Variants in VCAN observed in about 807,000 individuals in gnomAD.
VCAN encodes versican core protein.
VCAN carries 44 observed loss-of-function variants against 245.5 expected under a neutral mutation model. The observed-to-expected ratio is 0.18, with a 90% CI of 0.14 to 0.23. The LOEUF (loss-of-function observed/expected upper bound fraction) is 0.23. VCAN is among the 10% of genes least tolerant of loss of function. The pLI, the probability that VCAN is intolerant of heterozygous loss-of-function variation, is 1.00. For missense variants in VCAN, 3,793 were observed against 4,057.9 expected (o/e 0.93, Z 1.77); for synonymous variants, 1,413 against 1,437.0 (o/e 0.98, Z 0.38).
At chr5:83,536,771 G>T in intron 7 of VCAN, 1 of 371,146 alleles carries the variant, frequency 2.7e-6, no homozygotes, top group Non-Finnish European at 4.8e-6. Flanking sequence ...TAAATGTGTT[G>T]ATGAGTCTTT....
At chr5:83,524,536 GTACCTACCTACCTACCTACCTACC>G (rs58462835) in intron 7 of VCAN, among the ~76,000 whole-genome samples, 13 of 147,272 alleles carry the variant, frequency 8.8e-5, no homozygotes, top group African/African-American at 1.5e-4. Context: ...ACCTACCTGC[GTACCTACCTACCTACCTACCTACC>G]TACCTACCTA....
chr5:83,545,995 T>C (rs556208156), intron 9 of VCAN, among the ~76,000 whole-genome samples: 1 of 152,300 alleles, frequency 6.6e-6, no homozygotes, highest in Non-Finnish European at 1.5e-5. Flanking sequence ...TATAAAAATC[T>C]TTTTAGAAAG....
rs773267741 is a variant in VCAN, at chr5:83,537,558, G to A, written c.4555G>A (p.Ala1519Thr). The A allele has an allele frequency of 6.2e-7, 1 of 1,613,832 alleles. No homozygotes were observed. Residue 1519 changes from alanine (A) to threonine (T), a missense_variant, in exon 8 of 15, where the codon GCA becomes ACA. Around this residue, in one of 5 missense-constraint regions of VCAN, gnomAD observed 3,182 missense variants for 3,250.3 expected, o/e 0.98. Transcript: ENST00000265077. ...TGAAAGTGGAACAGCCAAAAAAGGG[G>A]CAGAATCAGTCACAGAGAGAGATAC... ...EFESGTAKKG[A>T]ESVTERDTEV... is the part of the protein sequence containing the mutation.
chr5:83,516,015 G>A lies in VCAN; in HGVS notation c.1043-3334G>A, dbSNP rs781328975. On this transcript the variant is annotated intron_variant, in intron 6 of 14. Transcript: ENST00000265077. The stretch of plus-strand genomic sequence containing the variant: ...TGGGAGGCCAAGGTGGGCGGATCAT[G>A]AGGTCAGGAGATCGAGACCATCCTG... 4.6e-5 allele frequency among the ~76,000 whole-genome samples: 7 copies of A among 152,182 alleles called. No homozygotes were observed. The East Asian group carries it at 9.6e-4, about 21-fold the overall frequency.
intron 12 of VCAN, among the ~76,000 whole-genome samples, chr5:83,569,393 A>G (rs913888239): frequency 2.0e-5 from 3 of 152,210 alleles, no homozygotes; most frequent in African/African-American, 7.2e-5. Flanking sequence ...TCTGTGGTTC[A>G]TTGTCTCTAA....
At chr5:83,524,536 G>GTACC (rs58462835) in intron 7 of VCAN, among the ~76,000 whole-genome samples, 1,714 of 147,368 alleles carry the variant, frequency 0.012, 8 homozygotes, top group Middle Eastern at 0.027. Context: ...ACCTACCTGC[G>GTACC]TACCTACCTA....
intron 12 of VCAN, among the ~76,000 whole-genome samples, chr5:83,558,723 A>G (rs953967378): frequency 6.6e-6 from 1 of 152,174 alleles, no homozygotes; most frequent in Non-Finnish European, 1.5e-5. Flanking sequence ...TGGCTAAGTT[A>G]TCTAAATTGC....
rs1748478753 is a variant in VCAN, at chr5:83,576,367, G to T, written c.9881-3613G>T. On this transcript the variant is annotated intron_variant, in intron 13 of 14. Coordinates refer to ENST00000265077, the MANE Select transcript of VCAN (RefSeq NM_004385.5). ...CTTTTTTTTGTTCAGCATTATGTTT[G>T]TGAGATTTATTCATGTTGATGCATG... 2.0e-5 allele frequency among the ~76,000 whole-genome samples: 3 copies of T among 152,032 alleles called. No individual in the cohort carries two copies. The South Asian group carries it at 6.2e-4, about 31-fold the overall frequency.
At chr5:83,490,555 T>G (rs1744949555) in intron 3 of VCAN, 83 bp downstream of exon 3, 1 of 1,589,380 alleles carries the variant, frequency 6.3e-7, no homozygotes, top group African/African-American at 1.3e-5. Flanking sequence ...CAGAAGTAAC[T>G]GTTGTTTGGG....
At chr5:83,514,119 T>C (rs1220863184) in intron 6 of VCAN, among the ~76,000 whole-genome samples, 3 of 152,220 alleles carry the variant, frequency 2.0e-5, no homozygotes, top group Admixed American at 1.3e-4. Context: ...TATGTTTAAA[T>C]AGAGTAACCA....
intron 6 of VCAN, among the ~76,000 whole-genome samples, chr5:83,513,495 G>C (rs191467399): frequency 6.6e-5 from 10 of 152,156 alleles, no homozygotes; most frequent in African/African-American, 2.4e-4. Flanking sequence ...CAACCAAAAG[G>C]TTTGTTTTCA....
intron 7 of VCAN, among the ~76,000 whole-genome samples, chr5:83,525,348 A>C (rs1746254074): frequency 6.6e-6 from 1 of 152,148 alleles, no homozygotes; most frequent in African/African-American, 2.4e-5. Context: ...CTTTGTGAAC[A>C]TGCATGAAGG....
At chr5:83,497,707 G>C (rs1264219580) in intron 5 of VCAN, among the ~76,000 whole-genome samples, 1 of 152,148 alleles carries the variant, frequency 6.6e-6, no homozygotes, top group Non-Finnish European at 1.5e-5. Context: ...CAGTAAGACA[G>C]ATTTGGAAAA....
At chr5:83,502,804 C>T (rs953998303) in intron 5 of VCAN, among the ~76,000 whole-genome samples, 2 of 152,220 alleles carry the variant, frequency 1.3e-5, no homozygotes, top group African/African-American at 4.8e-5. Context: ...AAAGCATATG[C>T]TTTAAGTTTA....
In VCAN at chr5:83,537,411, T is replaced by A; in HGVS notation, c.4408T>A (p.Ser1470Thr). ...GTCTACTGCTGTGCAACCTAATGAATCTACAGAAACAACTGAGTCTCTTGA... is the reference window on the plus strand; with the variant it reads ...GTCTACTGCTGTGCAACCTAATGAAACTACAGAAACAACTGAGTCTCTTGA... ...ELSTAVQPNE[S>T]TETTESLEVT... Residue 1470 changes from serine (S) to threonine (T), a missense_variant, in exon 8 of 15, where the codon TCT (serine) becomes ACT (threonine). Around this residue, in one of 5 missense-constraint regions of VCAN, gnomAD observed 3,182 missense variants for 3,250.3 expected, o/e 0.98. Transcript: ENST00000265077. 1 of 1,613,918 alleles carries A rather than the reference T, an allele frequency of 6.2e-7. No homozygotes were observed. Among genetic ancestry groups the A allele is most frequent in the Non-Finnish European group, 8.5e-7 (1 of 1,179,942 alleles).
intron 12 of VCAN, among the ~76,000 whole-genome samples, chr5:83,556,575 T>C (rs1197575996): frequency 6.6e-6 from 1 of 152,176 alleles, no homozygotes; most frequent in Non-Finnish European, 1.5e-5. Context: ...TTAGAATCAA[T>C]AGGCTCATCT....
chr5:83,502,100 A>G (rs1014477834), intron 5 of VCAN, among the ~76,000 whole-genome samples: 1 of 152,156 alleles, frequency 6.6e-6, no homozygotes, highest in Admixed American at 6.5e-5. Flanking sequence ...TTACAAGTGT[A>G]CAGAAATGCA....
At chr5:83,533,996 GTTC>G (rs1352247109) in intron 7 of VCAN, 5 of 152,128 alleles carry the variant, frequency 3.3e-5, no homozygotes, top group African/African-American at 9.7e-5. Context: ...TACAATTAGA[GTTC>G]TTCTTTATTT....
chr5:83,538,777 C>G lies in VCAN; in HGVS notation c.5774C>G (p.Ser1925Cys). ...TATGGGGCAGAAATAAGGGGCTTTT[C>G]CACAGGTTTTCCTTTGGAGGAAGAT... ...PNYGAEIRGF[S>C]TGFPLEEDFS... The change falls in exon 8 of 15, where the codon TCC (serine) becomes TGC (cysteine). Residue 1925 changes from serine to cysteine, a missense_variant. Ser to Cys is a moderately radical substitution (Grantham distance 112). Transcript: ENST00000265077. 1 of 1,613,922 alleles carries G rather than the reference C, an allele frequency of 6.2e-7. No individual in the cohort carries two copies. Among genetic ancestry groups the G allele is most frequent in the Non-Finnish European group, 8.5e-7 (1 of 1,179,938 alleles).
Sources: allele counts gnomAD v4.1 joint callset (sites outside exome capture counted in the v4.1 genomes callset), GRCh38; gene constraint gnomAD v4.1.1; regional missense constraint gnomAD v4.1.1; transcripts MANE v1.5; gene names NCBI Gene and HGNC (gene_info 2026-07-23, HGNC 2026-07-21).